Variants in FRAS1 observed in about 807,000 individuals in gnomAD.
The protein encoded by FRAS1 is extracellular matrix organizing protein FRAS1.
FRAS1 carries 290 observed loss-of-function variants against 435.2 expected under a neutral mutation model. That is an observed-to-expected ratio of 0.67 (90% CI 0.61 to 0.73). The LOEUF (loss-of-function observed/expected upper bound fraction) is 0.73, where lower values mean the gene tolerates loss of function less well. Among genes scored for constraint, FRAS1 ranks in the 30% least tolerant of loss-of-function variants. FRAS1 has a pLI of 0.00. For synonymous variants in FRAS1, 1,800 were observed against 1,851.0 expected (o/e 0.97, Z 0.71); for missense variants, 4,860 against 5,001.5 (o/e 0.97, Z 0.85).
intron 57 of FRAS1, 85 bp from the exon 58 acceptor site, chr4:78,482,303 G>A: frequency 6.8e-7 from 1 of 1,472,630 alleles, no homozygotes; most frequent in Non-Finnish European, 9.4e-7. Context: ...CCAAAGACAG[G>A]CAAGTTGTGA....
chr4:78,183,774 G>T (rs62308031), intron 2 of FRAS1, among the ~76,000 whole-genome samples: 16 of 147,992 alleles, frequency 1.1e-4, no homozygotes, highest in Non-Finnish European at 1.5e-5. Flanking sequence ...GTGTGTGTGT[G>T]TTTAAATATA....
intron 2 of FRAS1, among the ~76,000 whole-genome samples, chr4:78,172,988 C>T (rs562631568): frequency 6.6e-6 from 1 of 151,422 alleles, no homozygotes; most frequent in East Asian, 1.9e-4. Flanking sequence ...CCATGACACC[C>T]AAAAAAGAGA....
intron 70 of FRAS1, among the ~76,000 whole-genome samples, chr4:78,527,708 G>C (rs1174892892): frequency 2.0e-5 from 3 of 152,188 alleles, no homozygotes; most frequent in African/African-American, 7.2e-5. Context: ...CGAGAAAGTA[G>C]AGACAGCAGG....
intron 69 of FRAS1, among the ~76,000 whole-genome samples, chr4:78,523,365 T>C (rs894436060): frequency 2.0e-5 from 3 of 152,158 alleles, no homozygotes; most frequent in African/African-American, 7.2e-5. Context: ...GTGCAAAATA[T>C]AGTACCTCTG....
chr4:78,497,532 T>C (rs1207397659), intron 60 of FRAS1, among the ~76,000 whole-genome samples: 3 of 152,240 alleles, frequency 2.0e-5, no homozygotes, highest in Non-Finnish European at 4.4e-5. Flanking sequence ...ATAATAATGT[T>C]ACAAATAGTG....
At chr4:78,452,490 A>G (rs1719056342) in intron 47 of FRAS1, 136 bp downstream of exon 47, 3 of 652,138 alleles carry the variant, frequency 4.6e-6, no homozygotes, top group African/African-American at 1.8e-5. Context: ...AATTTTGACC[A>G]TTATACACTG....
chr4:78,424,204 A>G (rs950393594), intron 34 of FRAS1, among the ~76,000 whole-genome samples, 184 bp from the exon 35 acceptor site: 1 of 152,222 alleles, frequency 6.6e-6, no homozygotes, highest in Non-Finnish European at 1.5e-5. Flanking sequence ...ATTTAAAATT[A>G]ATGTTGACAC....
At chr4:78,122,409 C>T (rs893106488) in intron 2 of FRAS1, among the ~76,000 whole-genome samples, 2 of 152,104 alleles carry the variant, frequency 1.3e-5, no homozygotes, top group African/African-American at 2.4e-5. Flanking sequence ...CACATCTTTG[C>T]TGTTGTGAAT....
chr4:78,433,225 T>C (rs1211039558), intron 38 of FRAS1, among the ~76,000 whole-genome samples: 1 of 152,246 alleles, frequency 6.6e-6, no homozygotes, highest in East Asian at 1.9e-4. Context: ...TCCTGGGTAA[T>C]TAAACTCATC....
Position 78,308,180 on chromosome 4 carries a change from G to GC in FRAS1, c.1650dup (p.Phe551LeufsTer9). 6.2e-7 allele frequency: 1 copy of GC among 1,613,946 alleles called. No homozygotes were observed. Among genetic ancestry groups the GC allele is most frequent in the African/African-American group, 1.3e-5 (1 of 75,042 alleles). Reference sequence around the variant, plus strand: ...GGCTGTGAGAGCAGCTGTGGAAAAGGCTTCTACAACAGGCAGGGCACCTGT... The same window carrying GC: ...GGCTGTGAGAGCAGCTGTGGAAAAGGCCTTCTACAACAGGCAGGGCACCTGT... On this transcript the variant is annotated frameshift_variant, in exon 15 of 74. Coordinates refer to ENST00000512123, the MANE Select transcript of FRAS1 (RefSeq NM_025074.7). LOFTEE classifies it high-confidence loss of function.
At chr4:78,454,243 C>G (rs1179073277) in intron 47 of FRAS1, among the ~76,000 whole-genome samples, 1 of 151,514 alleles carries the variant, frequency 6.6e-6, no homozygotes, top group Non-Finnish European at 1.5e-5. Context: ...CAGGTTCCGT[C>G]AGACAAATCA....
chr4:78,273,954 T>C (rs1726857031), intron 9 of FRAS1, among the ~76,000 whole-genome samples: 1 of 152,214 alleles, frequency 6.6e-6, no homozygotes, highest in Non-Finnish European at 1.5e-5. Context: ...TGGACTTTTT[T>C]TGGTTGGTAG....
intron 14 of FRAS1, among the ~76,000 whole-genome samples, chr4:78,292,282 T>A (rs1364533771): frequency 6.6e-6 from 1 of 152,164 alleles, no homozygotes; most frequent in Admixed American, 6.5e-5. Flanking sequence ...CAAATTAAAA[T>A]CCCTTTTTCT....
intron 50 of FRAS1, 23 bp downstream of exon 50, chr4:78,466,458 G>C (rs1048177381): frequency 6.4e-7 from 1 of 1,571,960 alleles, no homozygotes; most frequent in African/African-American, 1.3e-5. Context: ...GACACTGGAG[G>C]AGGTAGCCTA....
At chr4:78,521,068 C>A (rs1412780412) in intron 67 of FRAS1, among the ~76,000 whole-genome samples, 1 of 152,198 alleles carries the variant, frequency 6.6e-6, no homozygotes, top group Non-Finnish European at 1.5e-5. Flanking sequence ...TTTCTACAAG[C>A]TGGCTTTAAT....
chr4:78,381,202 A>G (rs951705849), intron 27 of FRAS1, among the ~76,000 whole-genome samples: 3 of 152,264 alleles, frequency 2.0e-5, no homozygotes, highest in African/African-American at 7.2e-5. Flanking sequence ...AGGTCACTTC[A>G]TAGAGAAGTA....
intron 6 of FRAS1, among the ~76,000 whole-genome samples, chr4:78,257,611 A>G (rs1308554502): frequency 1.3e-5 from 2 of 152,196 alleles, no homozygotes; most frequent in Non-Finnish European, 1.5e-5. Flanking sequence ...GCAAGGGTGG[A>G]CAAGCTGAAA....
chr4:78,419,973 T>C (rs2110369521), intron 33 of FRAS1, among the ~76,000 whole-genome samples: 1 of 152,244 alleles, frequency 6.6e-6, no homozygotes, highest in South Asian at 2.1e-4. Context: ...GCACCTGTGA[T>C]CCAGTCACCT....
chr4:78,391,381 G>A (rs550374372), intron 29 of FRAS1, among the ~76,000 whole-genome samples: 1 of 152,178 alleles, frequency 6.6e-6, no homozygotes, highest in African/African-American at 2.4e-5. Flanking sequence ...AGATTAAAAG[G>A]TAATAAAGAA....
Sources: gnomAD v4.1 joint callset for allele counts (sites outside exome capture counted in the v4.1 genomes callset) on GRCh38, gnomAD v4.1.1 for gene constraint, MANE v1.5 for transcripts, NCBI Gene and HGNC (gene_info 2026-07-23, HGNC 2026-07-21) for gene names.